Variants in MAP4K1 observed in about 807,000 individuals in gnomAD.
MAP4K1 encodes the protein MAPK/ERK kinase kinase kinase 1.
MAP4K1 carries 35 observed loss-of-function variants against 122.8 expected under a neutral mutation model. That is an observed-to-expected ratio of 0.29 (90% CI 0.22 to 0.38). The LOEUF (loss-of-function observed/expected upper bound fraction) is 0.38. Among genes scored for constraint, MAP4K1 ranks in the 10% least tolerant of loss-of-function variants. The pLI is 1.00. For synonymous variants in MAP4K1, 412 were observed against 421.3 expected (o/e 0.98, Z 0.27); for missense variants, 791 against 1,072.6 (o/e 0.74, Z 3.67).
chr19:38,589,395 C>A, intron 30 of MAP4K1: 1 of 172,794 alleles, frequency 5.8e-6, no homozygotes, highest in Non-Finnish European at 1.3e-5. Context: ...TACCTCGTCT[C>A]AGTGAATCTC....
intron 29 of MAP4K1, among the ~76,000 whole-genome samples, chr19:38,594,531 TCGGGAGG>T (rs1191319258): frequency 1.3e-5 from 2 of 152,008 alleles, no homozygotes; most frequent in African/African-American, 4.8e-5. Context: ...TCCCAGCTAC[TCGGGAGG>T]CTGAGGCAGG....
rs1568636853 is a variant in MAP4K1 at position 38,608,027 on chromosome 19, G to A, written c.1072C>T (p.Leu358=). 4 of 1,603,794 alleles carry A rather than the reference G, an allele frequency of 2.5e-6. No homozygotes were observed. The South Asian group carries it at 3.3e-5, about 13-fold the overall frequency. ...CTCCTGAGGTCTCGAGGAGGCTGTA[G>A]GCGAGCCTGTGGGGTAGGAAAAGGG... is the stretch of plus-strand genomic sequence containing the variant. The part of the protein sequence containing the change: ...ETRPPANTAR[L]QPPRDLRSSS... Residue 358 remains leucine (L), a synonymous_variant, in exon 15 of 31, where the codon CTA becomes TTA. Transcript: ENST00000396857.
chr19:38,597,583 G>A lies in MAP4K1; in HGVS notation c.1681C>T (p.His561Tyr). The change falls in exon 23 of 31, where the codon CAC (histidine) becomes TAC (tyrosine). Residue 561 changes from histidine (H) to tyrosine (Y), a missense_variant. Transcript: ENST00000396857. The surrounding 1 kb of genome is among the most constrained non-coding windows in gnomAD (Gnocchi z 4.6). ...CCAAGGATGCTATGAGAATACAGGTGGGGGGTCTTTCCTGCAGGGTGTGTG... is the reference window on the plus strand; with the variant it reads ...CCAAGGATGCTATGAGAATACAGGTAGGGGGTCTTTCCTGCAGGGTGTGTG... Reference protein sequence around the residue: ...VLMSLSGKTPHLYSHSILGLL... With the variant: ...VLMSLSGKTPYLYSHSILGLL... The A allele has an allele frequency of 6.2e-7, 1 of 1,611,400 alleles. No individual in the cohort carries two copies. The highest frequency in any genetic ancestry group is 8.5e-7 in the Non-Finnish European group (1 of 1,178,670).
rs972351172 is a variant in MAP4K1, at chr19:38,593,182, C to T, written c.2396+100G>A. The T allele has an allele frequency of 3.5e-6, 4 of 1,140,658 alleles. No individual in the cohort carries two copies. The African/African-American group carries it at 4.7e-5, about 13-fold the overall frequency. The allele number at this position is 1,140,658 out of a possible 1,614,324, so 70.7% of individuals were successfully genotyped here. On this transcript the variant is annotated intron_variant, in intron 30 of 30. Transcript: ENST00000396857. The stretch of plus-strand genomic sequence containing the variant: ...GGAAGCAGGGTGACCAGGTGAGACA[C>T]TGTCCAGGCTAGAGATACCTTGCTG...
chr19:38,611,608 CA>C (rs1555812280), intron 9 of MAP4K1, among the ~76,000 whole-genome samples: 3 of 148,770 alleles, frequency 2.0e-5, no homozygotes, highest in South Asian at 4.2e-4. Context: ...CATAGTGAGA[CA>C]AAAAAAAAAT....
At chr19:38,598,317 C>G (rs748937665) in intron 22 of MAP4K1, among the ~76,000 whole-genome samples, 8 of 151,712 alleles carry the variant, frequency 5.3e-5, no homozygotes, top group Non-Finnish European at 1.0e-4. Flanking sequence ...AGGTGTGAAC[C>G]ACCGCACCCG....
At chr19:38,616,088 A>G in intron 4 of MAP4K1, 107 bp downstream of exon 4, 1 of 757,056 alleles carries the variant, frequency 1.3e-6, no homozygotes, top group Non-Finnish European at 2.1e-6. Context: ...GCCCAGAAAG[A>G]CAGTTCCTGT....
chr19:38,612,716 G>A lies in MAP4K1; in HGVS notation c.560C>T (p.Ala187Val), dbSNP rs751238598. The A allele has an allele frequency of 6.2e-7, 1 of 1,613,478 alleles. No individual in the cohort carries two copies. Among genetic ancestry groups the A allele is most frequent in the South Asian group, 1.1e-5 (1 of 91,044 alleles). ...YWMAPEVAAV[A>V]LKGGYNELCD... ...CAGCTCATTGTATCCTCCCTTCAGG[G>A]CCACAGCTGCCACTTCCGGAGCCAT... The change falls in exon 9 of 31, where the codon GCC (alanine) becomes GTC (valine). Residue 187 changes from alanine (A) to valine (V), a missense_variant. This residue lies in a region of MAP4K1 where 163 missense variants were observed against 286.1 expected (regional missense o/e 0.57). Transcript: ENST00000396857.
chr19:38,595,710 G>A lies in MAP4K1; in HGVS notation c.2199C>T (p.Thr733=). 2 of 1,605,738 alleles carry A rather than the reference G, an allele frequency of 1.2e-6. No homozygotes were observed. The highest frequency in any genetic ancestry group is 1.7e-6 in the Non-Finnish European group (2 of 1,176,916). The change falls in exon 28 of 31, where the codon ACC becomes ACT. Residue 733 remains threonine (T), a synonymous_variant. Coordinates refer to ENST00000396857, the MANE Select transcript of MAP4K1 (RefSeq NM_001042600.3). ...GTCCCCGGACTGGGGACCCCTCCGG[G>A]GTCACCAGCTTCACAGAGCCTGGAA... The part of the protein sequence containing the change: ...VLMDGSVKLV[T]PEGSPVRGLR...
chr19:38,609,293 C>A (rs948917536), intron 13 of MAP4K1, among the ~76,000 whole-genome samples: 1 of 152,068 alleles, frequency 6.6e-6, no homozygotes, highest in Non-Finnish European at 1.5e-5. Context: ...CACTACCACA[C>A]CCGGCTAATT....
chr19:38,611,023 C>A, intron 11 of MAP4K1, 28 bp downstream of exon 11: 1 of 1,587,762 alleles, frequency 6.3e-7, no homozygotes, highest in South Asian at 1.1e-5. Flanking sequence ...GAATCCTAGG[C>A]TGAGGATCTT....
intron 12 of MAP4K1, 109 bp downstream of exon 12, chr19:38,609,800 C>T: frequency 7.7e-7 from 1 of 1,306,186 alleles, no homozygotes; most frequent in South Asian, 1.3e-5. Flanking sequence ...CCCCATCCTC[C>T]CTCCCTGTTT....
chr19:38,610,668 G>GT (rs1347838598), intron 11 of MAP4K1, among the ~76,000 whole-genome samples: 5 of 152,110 alleles, frequency 3.3e-5, no homozygotes, highest in Admixed American at 1.3e-4. Context: ...TTACAGGTGT[G>GT]AGCCACCATG....
At chr19:38,590,732 C>T (rs1224222110) in intron 30 of MAP4K1, among the ~76,000 whole-genome samples, 1 of 151,766 alleles carries the variant, frequency 6.6e-6, no homozygotes, top group Non-Finnish European at 1.5e-5. Context: ...ACTTCAGCCT[C>T]CCAAAGTGCT....
At chr19:38,601,360 T>A in intron 20 of MAP4K1, 81 bp downstream of exon 20, 4 of 1,302,820 alleles carry the variant, frequency 3.1e-6, no homozygotes, top group Non-Finnish European at 4.3e-6. Flanking sequence ...CCTGCCTTTG[T>A]GCCTTCCTTA....
rs751111540 is a variant in MAP4K1 at position 38,612,625 on chromosome 19, A to G, written c.651T>C (p.Asp217=). 1 of 1,613,128 alleles carries G rather than the reference A, an allele frequency of 6.2e-7. No homozygotes were observed. Among genetic ancestry groups the G allele is most frequent in the Non-Finnish European group, 8.5e-7 (1 of 1,179,874 alleles). The change falls in exon 9 of 31, where the codon GAT becomes GAC. Residue 217 remains aspartate (D), a synonymous_variant. Coordinates refer to ENST00000396857, the MANE Select transcript of MAP4K1 (RefSeq NM_001042600.3). ...CGCCTGCCTACCTGAGAGGGTGCAC[A>G]TCAAAGAGCGGTGGCTGTAGCTCGG... ...ELAELQPPLF[D]VHPLRVLFLM... is the part of the protein sequence containing the mutation.
chr19:38,612,783 G>T (rs1034797056), intron 8 of MAP4K1, 41 bp from the exon 9 acceptor site: 3 of 1,604,410 alleles, frequency 1.9e-6, no homozygotes, highest in Non-Finnish European at 1.7e-6. Flanking sequence ...GTGGCATGGG[G>T]ACAGGAAGGG....
At position 38,605,609 on chromosome 19, in the gene MAP4K1, G is replaced by C; in HGVS notation, c.1322C>G (p.Pro441Arg). The C allele has an allele frequency of 6.4e-7, 1 of 1,564,226 alleles. No homozygotes were observed. Reference sequence around the variant, plus strand: ...GTGGGGGCTGCTGGTGGATGGGGGAGGCCCAGGACGGGGGCTGTTTGGTGG... The same window carrying C: ...GTGGGGGCTGCTGGTGGATGGGGGACGCCCAGGACGGGGGCTGTTTGGTGG... ...GPPPNSPRPGPPPSTSSPHLT... is the reference protein window; with the variant it reads ...GPPPNSPRPGRPPSTSSPHLT... Residue 441 changes from proline (P) to arginine (R), a missense_variant, in exon 18 of 31, where the codon CCT becomes CGT. Pro to Arg is a moderately radical substitution (Grantham distance 103). Around this residue, in one of 4 missense-constraint regions of MAP4K1, gnomAD observed 303 missense variants for 344.8 expected, o/e 0.88. Transcript: ENST00000396857.
intron 19 of MAP4K1, chr19:38,601,840 T>C (rs1397346010): frequency 2.8e-6 from 1 of 351,894 alleles, no homozygotes; most frequent in Non-Finnish European, 5.2e-6. Flanking sequence ...TGCAATGACA[T>C]GATCTCAGCT....
Sources: allele counts gnomAD v4.1 joint callset (sites outside exome capture counted in the v4.1 genomes callset), GRCh38; gene constraint gnomAD v4.1.1; regional missense constraint gnomAD v4.1.1; non-coding constraint Gnocchi (gnomAD v3.1); transcripts MANE v1.5; gene names NCBI Gene and HGNC (gene_info 2026-07-23, HGNC 2026-07-21).